The following GRID2 variants were observed in gnomAD, a reference collection of about 807,000 sequenced individuals.
GRID2 encodes glutamate receptor ionotropic, delta-2.
A neutral mutation model predicts 114.8 loss-of-function variants in GRID2; 33 were observed. The observed-to-expected ratio is 0.29, with a 90% CI of 0.22 to 0.38. The LOEUF (loss-of-function observed/expected upper bound fraction) is 0.38, where lower values mean the gene tolerates loss of function less well. Ranked by LOEUF, GRID2 falls within the 10% of genes least tolerant of loss-of-function variation. GRID2 has a pLI of 1.00. For missense variants in GRID2, 1,184 were observed against 1,257.7 expected, an observed-to-expected ratio of 0.94 and a Z score of 0.89; for synonymous variants, 505 against 449.9, an observed-to-expected ratio of 1.12 and a Z score of -1.55.
At chr4:92,541,796 A>AT (rs1725976791) in intron 1 of GRID2, among the ~76,000 whole-genome samples, 1 of 152,100 alleles carries the variant, frequency 6.6e-6, no homozygotes, top group Non-Finnish European at 1.5e-5. Flanking sequence ...GGAAAAAAAA[A>AT]ATCTTAATTT....
In GRID2 at chr4:93,016,700, C is replaced by T. The variant is rs1722776741; in HGVS notation, c.245-68295C>T. Among the ~76,000 whole-genome samples, 3 of 151,978 alleles carry T rather than the reference C, an allele frequency of 2.0e-5. No homozygotes were observed. The South Asian group carries it at 6.2e-4, about 32-fold the overall frequency. ...GAGCAGCAAGAAACAAAATAGAAGA[C>T]AGAAAACTAGCAAAAGATTATAGAA... On this transcript the variant is annotated intron_variant, in intron 2 of 15. Transcript: ENST00000282020.
chr4:92,397,232 G>A lies in GRID2; in HGVS notation c.88+92488G>A, dbSNP rs1730534628. ...TATTTTATATAAATTACTTAGCTTT[G>A]TAAGCTAAAATATCATGTAGGATTT... On this transcript the variant is annotated intron_variant, in intron 1 of 15. Coordinates refer to ENST00000282020, the MANE Select transcript of GRID2 (RefSeq NM_001510.4). 5.3e-5 allele frequency among the ~76,000 whole-genome samples: 8 copies of A among 151,750 alleles called. No individual in the cohort carries two copies. The South Asian group carries it at 1.7e-3, about 32-fold the overall frequency.
chr4:93,532,822 A>G (rs975989823), intron 13 of GRID2, among the ~76,000 whole-genome samples: 1 of 152,156 alleles, frequency 6.6e-6, no homozygotes, highest in African/African-American at 2.4e-5. Context: ...TGCTCCACAT[A>G]TTATACACAA....
intron 14 of GRID2, among the ~76,000 whole-genome samples, chr4:93,681,404 T>C (rs1224842269): frequency 6.6e-6 from 1 of 151,608 alleles, no homozygotes; most frequent in South Asian, 2.1e-4. Flanking sequence ...CCAATGACTT[T>C]CTTCACAGAA....
intron 8 of GRID2, among the ~76,000 whole-genome samples, chr4:93,355,551 G>C (rs1025805277): frequency 6.6e-6 from 1 of 152,056 alleles, no homozygotes; most frequent in Non-Finnish European, 1.5e-5. Context: ...GACTACACCT[G>C]AAATTGGCAC....
intron 1 of GRID2, among the ~76,000 whole-genome samples, chr4:92,517,031 T>C (rs1724533768): frequency 6.6e-6 from 1 of 151,936 alleles, no homozygotes; most frequent in Admixed American, 6.6e-5. Context: ...TATAAACATA[T>C]CTGGGATAGT....
At chr4:92,977,978 G>A (rs1186195442) in intron 2 of GRID2, among the ~76,000 whole-genome samples, 3 of 152,094 alleles carry the variant, frequency 2.0e-5, no homozygotes, top group Non-Finnish European at 4.4e-5. Flanking sequence ...TCAGAGACAG[G>A]GAAATCTTGC....
At chr4:93,068,775 T>C (rs143890929) in intron 2 of GRID2, among the ~76,000 whole-genome samples, 132 of 152,132 alleles carry the variant, frequency 8.7e-4, no homozygotes, top group African/African-American at 3.1e-3. Context: ...GAGAAGGTGT[T>C]AAATGTGATT....
chr4:92,923,998 C>G (rs1268317531), intron 2 of GRID2, among the ~76,000 whole-genome samples: 1 of 152,126 alleles, frequency 6.6e-6, no homozygotes, highest in African/African-American at 2.4e-5. Context: ...TGGAACCAAC[C>G]CATATGTCCA....
chr4:92,936,244 A>G (rs1034134212), intron 2 of GRID2, among the ~76,000 whole-genome samples: 1 of 146,300 alleles, frequency 6.8e-6, no homozygotes, highest in Non-Finnish European at 1.5e-5. Context: ...CTGTTGACTA[A>G]TAGTTCAATT....
chr4:92,450,503 A>G (rs1163803995), intron 1 of GRID2, among the ~76,000 whole-genome samples: 1 of 152,172 alleles, frequency 6.6e-6, no homozygotes, highest in African/African-American at 2.4e-5. Context: ...TCATTGATTT[A>G]CAGTGCTCAT....
chr4:92,349,766 G>A (rs965245114), intron 1 of GRID2, among the ~76,000 whole-genome samples: 1 of 151,612 alleles, frequency 6.6e-6, no homozygotes, highest in Non-Finnish European at 1.5e-5. Flanking sequence ...ATCTGCAGGG[G>A]AAAACATTTT....
intron 14 of GRID2, among the ~76,000 whole-genome samples, chr4:93,714,610 A>AAT (rs1321060921): frequency 6.6e-6 from 1 of 152,122 alleles, no homozygotes; most frequent in Non-Finnish European, 1.5e-5. Flanking sequence ...TTGACTTTTT[A>AAT]ATAATAGCCA....
At chr4:93,189,773 CCACACACACACACACACACACACACA>C (rs34137840) in intron 4 of GRID2, among the ~76,000 whole-genome samples, 6 of 138,898 alleles carry the variant, frequency 4.3e-5, no homozygotes, top group African/African-American at 1.3e-4. Flanking sequence ...CCACACCACA[CCACACACACACACACACACACACACA>C]CACACACACA....
intron 14 of GRID2, among the ~76,000 whole-genome samples, chr4:93,742,344 C>T (rs1731493150): frequency 6.6e-6 from 1 of 152,142 alleles, no homozygotes; most frequent in African/African-American, 2.4e-5. Context: ...ATCTGTGAGA[C>T]TGATATATTA....
chr4:93,478,704 C>T (rs938511543), intron 11 of GRID2, among the ~76,000 whole-genome samples: 29 of 151,752 alleles, frequency 1.9e-4, no homozygotes, highest in South Asian at 4.2e-4. Context: ...AAAACTGAAA[C>T]GCATTATTCA....
chr4:92,656,568 AG>A (rs1384755436), intron 2 of GRID2, among the ~76,000 whole-genome samples: 1 of 151,772 alleles, frequency 6.6e-6, no homozygotes, highest in African/African-American at 2.4e-5. Context: ...TAACAATTAC[AG>A]AAATGTTTCA....
At chr4:92,459,816 G>A (rs2149086395) in intron 1 of GRID2, among the ~76,000 whole-genome samples, 1 of 151,492 alleles carries the variant, frequency 6.6e-6, no homozygotes, top group South Asian at 2.1e-4. Flanking sequence ...CAGTAAAGCA[G>A]ATGACCCTCT....
downstream of GRID2, chr4:93,774,594 T>G (rs926928443): frequency 6.6e-6 from 1 of 152,192 alleles, no homozygotes; most frequent in Non-Finnish European, 1.5e-5. Flanking sequence ...CTGTAAGATT[T>G]GAAAATGTTT....
Sources: allele counts gnomAD v4.1 joint callset (sites outside exome capture counted in the v4.1 genomes callset), GRCh38; gene constraint gnomAD v4.1.1; transcripts MANE v1.5; gene names NCBI Gene and HGNC (gene_info 2026-07-23, HGNC 2026-07-21).